The following KLHL1 variants were observed in gnomAD, a reference collection of about 807,000 sequenced individuals.
The protein encoded by KLHL1 is kelch like family member 1.
Under a neutral mutation model 77.7 loss-of-function variants are expected in KLHL1, and 47 were observed. That is an observed-to-expected ratio of 0.60 (90% CI 0.48 to 0.77). KLHL1 has a LOEUF of 0.77. Ranked by LOEUF, KLHL1 falls within the 30% of genes least tolerant of loss-of-function variation. The pLI is 0.00. For missense variants in KLHL1, 925 were observed against 910.8 expected, an observed-to-expected ratio of 1.02 and a Z score of -0.20; for synonymous variants, 360 against 325.2, an observed-to-expected ratio of 1.11 and a Z score of -1.15.
intron 7 of KLHL1, among the ~76,000 whole-genome samples, chr13:69,754,160 TGTA>T (rs1874608163): frequency 6.6e-6 from 1 of 152,058 alleles, no homozygotes; most frequent in Non-Finnish European, 1.5e-5. Flanking sequence ...ATATTCTGAA[TGTA>T]CTTCAGTAGG....
chr13:69,915,157 G>A (rs1485714093), intron 4 of KLHL1, among the ~76,000 whole-genome samples: 1 of 152,108 alleles, frequency 6.6e-6, no homozygotes, highest in African/African-American at 2.4e-5. Flanking sequence ...TGTGAAAATG[G>A]CCACACTGCC....
intron 6 of KLHL1, among the ~76,000 whole-genome samples, chr13:69,837,298 C>T (rs955998819): frequency 2.6e-5 from 4 of 151,086 alleles, no homozygotes; most frequent in Non-Finnish European, 1.5e-5. Context: ...TTATTGAATC[C>T]CAGCAAAGTG....
At chr13:69,863,441 G>A (rs1332079111) in intron 5 of KLHL1, among the ~76,000 whole-genome samples, 1 of 99,776 alleles carries the variant, frequency 1.0e-5, no homozygotes, top group African/African-American at 4.6e-5. Context: ...TTTTCTCCTA[G>A]GAGAATTTGG....
At chr13:70,006,681 A>G (rs1361087731) in intron 1 of KLHL1, among the ~76,000 whole-genome samples, 2 of 151,748 alleles carry the variant, frequency 1.3e-5, no homozygotes, top group Non-Finnish European at 2.9e-5. Flanking sequence ...TCTCTCATGG[A>G]CATGTCGGGG....
chr13:69,975,472 TAAACA>T (rs1324062202), intron 2 of KLHL1, 143 bp downstream of exon 2: 1 of 672,004 alleles, frequency 1.5e-6, no homozygotes, highest in Admixed American at 3.6e-5. Flanking sequence ...AAAACAAGTA[TAAACA>T]AAACAAACAA....
At chr13:70,055,904 G>C (rs1285356734) in intron 1 of KLHL1, among the ~76,000 whole-genome samples, 2 of 151,366 alleles carry the variant, frequency 1.3e-5, no homozygotes, top group African/African-American at 4.9e-5. Flanking sequence ...AAAGAAAGGG[G>C]GAAAAAAGAC....
chr13:69,725,069 G>C (rs930117619), intron 8 of KLHL1, among the ~76,000 whole-genome samples: 7 of 152,104 alleles, frequency 4.6e-5, no homozygotes, highest in Admixed American at 1.3e-4. Flanking sequence ...ATCCTTTAAA[G>C]AGGCTGCCAG....
chr13:69,998,685 G>A (rs760403049), intron 1 of KLHL1, among the ~76,000 whole-genome samples: 2 of 151,970 alleles, frequency 1.3e-5, no homozygotes, highest in Admixed American at 6.6e-5. Flanking sequence ...CAGACTTATC[G>A]ACTTTAAACA....
At chr13:69,831,136 C>A (rs1361777195) in intron 6 of KLHL1, among the ~76,000 whole-genome samples, 1 of 147,946 alleles carries the variant, frequency 6.8e-6, no homozygotes, top group Non-Finnish European at 1.5e-5. Flanking sequence ...AAAGAAAATA[C>A]AATAGATAAG....
chr13:69,755,901 TAGC>T (rs149635520), intron 7 of KLHL1, among the ~76,000 whole-genome samples: 8,605 of 152,290 alleles, frequency 0.057, 351 homozygotes, highest in Non-Finnish European at 0.086. Context: ...AATCACTTAT[TAGC>T]TGTGGGATTT....
intron 4 of KLHL1, among the ~76,000 whole-genome samples, chr13:69,934,342 A>G (rs1883100873): frequency 6.6e-6 from 1 of 152,076 alleles, no homozygotes; most frequent in South Asian, 2.1e-4. Context: ...ATCACATCTT[A>G]TATTACATCT....
intron 8 of KLHL1, among the ~76,000 whole-genome samples, chr13:69,737,602 GA>G (rs1566197766): frequency 6.6e-6 from 1 of 152,200 alleles, no homozygotes; most frequent in Non-Finnish European, 1.5e-5. Flanking sequence ...TCTCACAGGG[GA>G]ACACAGTGAC....
intron 9 of KLHL1, among the ~76,000 whole-genome samples, chr13:69,708,848 A>G (rs1875750916): frequency 6.6e-6 from 1 of 152,048 alleles, no homozygotes; most frequent in Non-Finnish European, 1.5e-5. Context: ...TTTTCTGACA[A>G]ACACAGCAAA....
rs959421437 is a variant in KLHL1, at chr13:69,992,111, C to G, written c.498-16309G>C. ...CTGACACAGAATATTAGTATATGTC[C>G]TGGCCAGAAACTTCGAAATCTACTG... On this transcript the variant is annotated intron_variant, in intron 1 of 10. Transcript: ENST00000377844. 2.6e-5 allele frequency among the ~76,000 whole-genome samples: 4 copies of G among 151,898 alleles called. No homozygotes were observed. The East Asian group carries it at 7.7e-4, about 29-fold the overall frequency.
At chr13:70,063,514 A>T (rs201448333) in intron 1 of KLHL1, among the ~76,000 whole-genome samples, 1 of 152,046 alleles carries the variant, frequency 6.6e-6, no homozygotes, top group African/African-American at 2.4e-5. Context: ...TTATTTTGTT[A>T]TTTAAAATTA....
intron 7 of KLHL1, among the ~76,000 whole-genome samples, chr13:69,758,726 C>G (rs971846482): frequency 6.6e-6 from 1 of 152,092 alleles, no homozygotes; most frequent in East Asian, 1.9e-4. Context: ...TTTAAGAAAG[C>G]TATTTCCTCA....
chr13:69,933,699 C>A (rs1158193588), intron 4 of KLHL1, among the ~76,000 whole-genome samples: 1 of 152,016 alleles, frequency 6.6e-6, no homozygotes, highest in Non-Finnish European at 1.5e-5. Context: ...ACAAGGCAGC[C>A]TTTAATTAGT....
intron 3 of KLHL1, among the ~76,000 whole-genome samples, chr13:69,954,767 C>A (rs1361239941): frequency 6.6e-6 from 1 of 150,400 alleles, no homozygotes; most frequent in Non-Finnish European, 1.5e-5. Flanking sequence ...ATACTTTTCC[C>A]AAATTAGTTT....
intron 1 of KLHL1, among the ~76,000 whole-genome samples, chr13:70,036,835 C>CTTTTTTTTTTTTTTTTTTTTTTTTTTTTT (rs5804467): frequency 2.0e-5 from 1 of 50,696 alleles, no homozygotes; most frequent in Non-Finnish European, 3.6e-5. Flanking sequence ...ATGCCATGGT[C>CTTTTTTTTTTTTTTTTTTTTTTTTTTTTT]TTTTTTTTTT....
Sources: gnomAD v4.1 joint callset for allele counts (sites outside exome capture counted in the v4.1 genomes callset) on GRCh38, gnomAD v4.1.1 for gene constraint, MANE v1.5 for transcripts, NCBI Gene and HGNC (gene_info 2026-07-23, HGNC 2026-07-21) for gene names.